Variants in BSPH1 observed in about 807,000 individuals in gnomAD.
The protein encoded by BSPH1 is binder of sperm 1.
In BSPH1, 21 loss-of-function variants were observed where a neutral mutation model predicts 22.5. The observed-to-expected ratio is 0.93, with a 90% CI of 0.66 to 1.35. The LOEUF is 1.35. Among genes scored for constraint, BSPH1 ranks in the 40% most tolerant of loss-of-function variants. The pLI, the probability that BSPH1 is intolerant of heterozygous loss-of-function variation, is 0.00. For synonymous variants in BSPH1, 42 were observed against 53.6 expected (o/e 0.78, Z 0.95); for missense variants, 141 against 154.2 (o/e 0.91, Z 0.45).
chr19:47,988,291 G>A (rs1305101963), intron 1 of BSPH1, among the ~76,000 whole-genome samples: 1 of 152,146 alleles, frequency 6.6e-6, no homozygotes, highest in Non-Finnish European at 1.5e-5. Context: ...ATGACTTAAT[G>A]ATAACAGTTC....
chr19:47,979,582 GA>G lies in BSPH1; in HGVS notation c.111del (p.Pro38GlnfsTer34), dbSNP rs1969399154. On this transcript the variant is annotated frameshift_variant, in exon 3 of 6. Transcript: ENST00000344839. LOFTEE classifies it high-confidence loss of function. ...CTGATCGACTTACCTGTAACTTCTG[GA>G]AAATGAGTTATAGTTTCTGAAAAAT... ...LSSTVETITH[F>X]PEVTDGECVF... 2.2e-6 allele frequency: 3 copies of G among 1,345,416 alleles called. No individual in the cohort carries two copies. The highest frequency in any genetic ancestry group is 3.0e-6 in the Non-Finnish European group (3 of 994,214). 83.3% of individuals were successfully genotyped at this position (1,345,416 alleles called of 1,614,324 possible).
intron 1 of BSPH1, among the ~76,000 whole-genome samples, chr19:47,986,693 C>T (rs1052061137): frequency 1.1e-4 from 16 of 151,412 alleles, no homozygotes; most frequent in Non-Finnish European, 2.1e-4. Flanking sequence ...TGCAGTGAGC[C>T]GTGATTGTGC....
At chr19:47,979,042 G>A (rs1249773073) in intron 3 of BSPH1, among the ~76,000 whole-genome samples, 1 of 152,066 alleles carries the variant, frequency 6.6e-6, no homozygotes, top group Admixed American at 6.5e-5. Flanking sequence ...TTATTAGAGA[G>A]GTAAGGAAGC....
Position 47,992,110 on chromosome 19 carries a change from G to A in BSPH1, c.-29C>T. 3.2e-6 allele frequency: 5 copies of A among 1,538,760 alleles called. No individual in the cohort carries two copies. The highest frequency in any genetic ancestry group is 4.4e-6 in the Non-Finnish European group (5 of 1,135,486). ...CAGTCACAGGCTTCCCGGTATCTCA[G>A]ATCTTCCTGGTCTTTGTCAGCCAGG... On this transcript the variant is annotated 5_prime_UTR_variant, in exon 1 of 6. Coordinates refer to ENST00000344839, the MANE Select transcript of BSPH1 (RefSeq NM_001128326.2).
At chr19:47,987,528 G>A (rs1315378989) in intron 1 of BSPH1, among the ~76,000 whole-genome samples, 1 of 151,954 alleles carries the variant, frequency 6.6e-6, no homozygotes, top group African/African-American at 2.4e-5. Context: ...TGGAACTACA[G>A]GCACACACTA....
At chr19:47,974,265 CTCTCTTTT>C (rs1969339100) in intron 5 of BSPH1, among the ~76,000 whole-genome samples, 2 of 120,110 alleles carry the variant, frequency 1.7e-5, no homozygotes, top group African/African-American at 8.3e-5. Flanking sequence ...TTCTCTCTCT[CTCTCTTTT>C]TTTTTTTTTT....
chr19:47,984,345 A>G (rs575066472), intron 1 of BSPH1, among the ~76,000 whole-genome samples: 2 of 151,842 alleles, frequency 1.3e-5, no homozygotes, highest in East Asian at 3.9e-4. Context: ...CTTTGAGGAA[A>G]GTGTAGAATG....
intron 2 of BSPH1, among the ~76,000 whole-genome samples, chr19:47,980,632 T>C (rs2122251845): frequency 6.6e-6 from 1 of 151,838 alleles, no homozygotes; most frequent in East Asian, 1.9e-4. Flanking sequence ...CCATGCCCAG[T>C]TAATTTTTTG....
chr19:47,967,430 G>T (rs1969269542), downstream of BSPH1, among the ~76,000 whole-genome samples: 1 of 152,150 alleles, frequency 6.6e-6, no homozygotes, highest in South Asian at 2.1e-4. Flanking sequence ...CACAGATGGG[G>T]TGGCTTAAAC....
chr19:47,987,100 C>T (rs180929202), intron 1 of BSPH1, among the ~76,000 whole-genome samples: 128 of 152,268 alleles, frequency 8.4e-4, no homozygotes, highest in African/African-American at 2.2e-3. Flanking sequence ...TCTTAATTAC[C>T]GACATCTGCA....
At chr19:47,974,568 C>T (rs1662849233) in intron 5 of BSPH1, among the ~76,000 whole-genome samples, 1 of 151,896 alleles carries the variant, frequency 6.6e-6, no homozygotes, top group African/African-American at 2.4e-5. Context: ...CTGTGCCCGG[C>T]CTCTCTCTTT....
chr19:47,989,369 C>T (rs1169231239), intron 1 of BSPH1, among the ~76,000 whole-genome samples: 1 of 151,942 alleles, frequency 6.6e-6, no homozygotes, highest in Non-Finnish European at 1.5e-5. Context: ...TGGTCTTGAA[C>T]TCCTGACCTT....
intron 5 of BSPH1, among the ~76,000 whole-genome samples, chr19:47,970,835 A>T (rs1318486242): frequency 6.6e-6 from 1 of 152,188 alleles, no homozygotes; most frequent in Admixed American, 6.6e-5. Flanking sequence ...TTCTGCCTTT[A>T]GTCATGAGAA....
intron 2 of BSPH1, among the ~76,000 whole-genome samples, chr19:47,980,654 T>A (rs2122251884): frequency 6.6e-6 from 1 of 152,068 alleles, no homozygotes; most frequent in East Asian, 1.9e-4. Flanking sequence ...AGTTTTTTAG[T>A]AGAGACGGGG....
At position 47,986,405 on chromosome 19, in the gene BSPH1, G is replaced by A. The variant is rs143415661; in HGVS notation, c.74-5464C>T. On this transcript the variant is annotated intron_variant, in intron 1 of 5. Coordinates refer to ENST00000344839, the MANE Select transcript of BSPH1 (RefSeq NM_001128326.2). ...GGCTCATCCCCCAGACAGGAGAGCC[G>A]CGTGGCCTCTGTGATTGCTTCTTCC... 1.3e-4 allele frequency among the ~76,000 whole-genome samples: 20 copies of A among 152,266 alleles called. No homozygotes were observed. The East Asian group carries it at 2.5e-3, about 19-fold the overall frequency.
intron 1 of BSPH1, 84 bp from the exon 2 acceptor site, chr19:47,981,025 A>G (rs1426370151): frequency 1.4e-6 from 1 of 717,970 alleles, no homozygotes; most frequent in Non-Finnish European, 2.2e-6. Context: ...TATTCTAGTA[A>G]GAATAATACT....
intron 5 of BSPH1, among the ~76,000 whole-genome samples, chr19:47,969,586 T>C (rs1969290103): frequency 6.6e-6 from 1 of 151,154 alleles, no homozygotes; most frequent in Non-Finnish European, 1.5e-5. Context: ...TTATAAATGG[T>C]GAAAGGGTAT....
At chr19:47,984,320 GCTTT>G (rs1170705174) in intron 1 of BSPH1, among the ~76,000 whole-genome samples, 1 of 150,900 alleles carries the variant, frequency 6.6e-6, no homozygotes, top group Non-Finnish European at 1.5e-5. Flanking sequence ...TACAAAACTG[GCTTT>G]CTTTATGACC....
intron 1 of BSPH1, among the ~76,000 whole-genome samples, chr19:47,989,410 C>T (rs368478748): frequency 2.6e-5 from 4 of 152,046 alleles, no homozygotes; most frequent in Non-Finnish European, 4.4e-5. Context: ...TCCCAAAGTG[C>T]TGGGATTACA....
Sources: allele counts gnomAD v4.1 joint callset (sites outside exome capture counted in the v4.1 genomes callset), GRCh38; gene constraint gnomAD v4.1.1; transcripts MANE v1.5; gene names NCBI Gene and HGNC (gene_info 2026-07-23, HGNC 2026-07-21).